RBM15B: variants seen among roughly 807,000 people sequenced by gnomAD.
RBM15B encodes putative RNA-binding protein 15B.
In RBM15B, 11 loss-of-function variants were observed where a neutral mutation model predicts 53.3. The ratio of observed to expected loss-of-function variants is 0.21; its 90% confidence interval spans 0.13 to 0.34. The LOEUF (loss-of-function observed/expected upper bound fraction) is 0.34, where lower values mean the gene tolerates loss of function less well. RBM15B is among the 10% of genes least tolerant of loss of function. RBM15B has a pLI of 1.00. For synonymous variants in RBM15B, 631 were observed against 540.7 expected (o/e 1.17, Z -2.32); for missense variants, 1,136 against 1,250.3 (o/e 0.91, Z 1.38).
Position 51,396,286 on chromosome 3 carries a change from A to C in RBM15B, c.*2214A>C, listed in dbSNP as rs2089198490. ...GCCTTATCCAACCCCTCTTCAGAGA[A>C]AGGTGTCCCATGGCCCCAAAAAGAA... On this transcript the variant is annotated 3_prime_UTR_variant, in exon 1 of 1. Coordinates refer to ENST00000563281, the MANE Select transcript of RBM15B (RefSeq NM_013286.5). 1.0e-5 allele frequency: 2 copies of C among 196,930 alleles called. No homozygotes were observed. Among genetic ancestry groups the C allele is most frequent in the Non-Finnish European group, 2.3e-5 (2 of 88,266 alleles). The allele number at this position is 196,930 out of a possible 1,614,324, so 12.2% of individuals were successfully genotyped here. A position where few individuals can be genotyped will look rare whatever the true frequency, so the allele number is the denominator to read the frequency against.
Position 51,396,519 on chromosome 3 carries a change from A to G in RBM15B, c.*2447A>G, listed in dbSNP as rs1257613829. ...CTGAGAAAACTTACTTACTTCAGGC[A>G]TCCAGTGCCCCCACCCAGGGTTCAG... On this transcript the variant is annotated 3_prime_UTR_variant, in exon 1 of 1. Coordinates refer to ENST00000563281, the MANE Select transcript of RBM15B (RefSeq NM_013286.5). 2 of 167,182 alleles carry G rather than the reference A, an allele frequency of 1.2e-5. No homozygotes were observed. Among genetic ancestry groups the G allele is most frequent in the Admixed American group, 1.3e-4 (2 of 15,292 alleles). 10.4% of individuals were successfully genotyped at this position (167,182 alleles called of 1,614,324 possible). A position where few individuals can be genotyped will look rare whatever the true frequency, so the allele number is the denominator to read the frequency against.
chr3:51,397,714 G>A lies in RBM15B; in HGVS notation c.*3642G>A, dbSNP rs144011390. 6.0e-6 allele frequency: 1 copy of A among 167,170 alleles called. No homozygotes were observed. The highest frequency in any genetic ancestry group is 1.5e-5 in the Non-Finnish European group (1 of 68,124). The allele number at this position is 167,170 out of a possible 1,614,324, so 10.4% of individuals were successfully genotyped here. A position where few individuals can be genotyped will look rare whatever the true frequency, so the allele number is the denominator to read the frequency against. ...GTGAGTATAAGCTACTTTCCTCCCT[G>A]GAGTGCTCTATGTGGGCAGAACATG... On this transcript the variant is annotated 3_prime_UTR_variant, in exon 1 of 1. Coordinates refer to ENST00000563281, the MANE Select transcript of RBM15B (RefSeq NM_013286.5).
At position 51,393,149 on chromosome 3, in the gene RBM15B, C is replaced by G. The variant is rs782041482; in HGVS notation, c.1750C>G (p.Arg584Gly). 11 of 1,613,848 alleles carry G rather than the reference C, an allele frequency of 6.8e-6. No individual in the cohort carries two copies. In the Admixed American group the frequency reaches 1.7e-4, roughly 24 times the overall value. ...SGERWGADGD[R>G]GLPKPWEERR... is the part of the protein sequence containing the mutation. The stretch of plus-strand genomic sequence containing the variant: ...TGAGCGTTGGGGGGCAGATGGAGAC[C>G]GTGGTTTGCCCAAGCCCTGGGAAGA... Residue 584 changes from arginine (R) to glycine (G), a missense_variant, in exon 1 of 1, where the codon CGT (arginine) becomes GGT (glycine). Around this residue, in one of 7 missense-constraint regions of RBM15B, gnomAD observed 578 missense variants for 581.6 expected, o/e 0.99. Coordinates refer to ENST00000563281, the MANE Select transcript of RBM15B (RefSeq NM_013286.5). This position sits in a 1 kb window ranked among gnomAD's most constrained non-coding sequence, Gnocchi z 5.6.
Position 51,391,543 on chromosome 3 carries a change from G to A in RBM15B, c.144G>A (p.Pro48=). The A allele has an allele frequency of 8.4e-7, 1 of 1,187,420 alleles. No individual in the cohort carries two copies. 73.6% of individuals were successfully genotyped at this position (1,187,420 alleles called of 1,614,324 possible). The change falls in exon 1 of 1, where the codon CCG becomes CCA. Residue 48 remains proline, a synonymous_variant. Coordinates refer to ENST00000563281, the MANE Select transcript of RBM15B (RefSeq NM_013286.5). This position sits in a 1 kb window ranked among gnomAD's most constrained non-coding sequence, Gnocchi z 4.5. ...AHKASGGAKH[P]VPARARDKPR... ...AGGCCTCTGGCGGCGCCAAGCACCC[G>A]GTTCCAGCGCGGGCCCGCGACAAAC...
Position 51,392,035 on chromosome 3 carries a change from C to G in RBM15B, c.636C>G (p.Leu212=). ...ARQLLLYDRP[L]KVEPVYLRGG... ...AGCTGCTGCTCTACGACCGCCCGCT[C>G]AAGGTAGAGCCCGTGTACCTGCGTG... is the stretch of plus-strand genomic sequence containing the variant. The change falls in exon 1 of 1, where the codon CTC becomes CTG. Residue 212 remains leucine, a synonymous_variant. Transcript: ENST00000563281. The surrounding 1 kb of genome is among the most constrained non-coding windows in gnomAD (Gnocchi z 7.5). 6.3e-7 allele frequency: 1 copy of G among 1,597,090 alleles called. No individual in the cohort carries two copies. Among genetic ancestry groups the G allele is most frequent in the Non-Finnish European group, 8.5e-7 (1 of 1,178,280 alleles).
Position 51,393,191 on chromosome 3 carries a change from A to C in RBM15B, c.1792A>C (p.Ser598Arg). The C allele has an allele frequency of 6.2e-7, 1 of 1,613,972 alleles. No individual in the cohort carries two copies. Among genetic ancestry groups the C allele is most frequent in the Non-Finnish European group, 8.5e-7 (1 of 1,179,898 alleles). ...KPWEERRKRR[S>R]LSSDRGRTTH... ...CTGGGAAGAGAGGCGGAAACGGAGAAGCCTTTCCAGTGACCGTGGGAGGAC... is the reference window on the plus strand; with the variant it reads ...CTGGGAAGAGAGGCGGAAACGGAGACGCCTTTCCAGTGACCGTGGGAGGAC... The change falls in exon 1 of 1, where the codon AGC (serine) becomes CGC (arginine). Residue 598 changes from serine (S) to arginine (R), a missense_variant. Around this residue, in one of 7 missense-constraint regions of RBM15B, gnomAD observed 578 missense variants for 581.6 expected, o/e 0.99. Coordinates refer to ENST00000563281, the MANE Select transcript of RBM15B (RefSeq NM_013286.5). This position sits in a 1 kb window ranked among gnomAD's most constrained non-coding sequence, Gnocchi z 5.6.
Position 51,391,702 on chromosome 3 carries a change from G to A in RBM15B, c.303G>A (p.Gly101=), listed in dbSNP as rs1439619013. 2.2e-6 allele frequency: 3 copies of A among 1,354,156 alleles called. No homozygotes were observed. Among genetic ancestry groups the A allele is most frequent in the African/African-American group, 3.1e-5 (2 of 64,940 alleles). 83.9% of individuals were successfully genotyped at this position (1,354,156 alleles called of 1,614,324 possible). The change falls in exon 1 of 1, where the codon GGG becomes GGA. Residue 101 remains glycine (G), a synonymous_variant. Transcript: ENST00000563281. The surrounding 1 kb of genome is among the most constrained non-coding windows in gnomAD (Gnocchi z 4.5). ...GGGGACGCGGCGGCAAGGCCTCGGG[G>A]GACCCGGGCGCCTCCGGCATGTCGC... ...GGGGRGGKAS[G]DPGASGMSPR...
Position 51,391,776 on chromosome 3 carries a change from C to T in RBM15B, c.377C>T (p.Pro126Leu), listed in dbSNP as rs2089041501. The T allele has an allele frequency of 6.3e-7, 1 of 1,584,140 alleles. No individual in the cohort carries two copies. The highest frequency in any genetic ancestry group is 1.4e-5 in the African/African-American group (1 of 72,052). ...PPPPPPPGAE[P>L]ACPGSSAAAP... ...CCTCCGCCACCGCCTGGGGCCGAGCCCGCGTGTCCCGGCTCATCCGCGGCC... is the reference window on the plus strand; with the variant it reads ...CCTCCGCCACCGCCTGGGGCCGAGCTCGCGTGTCCCGGCTCATCCGCGGCC... Residue 126 changes from proline to leucine, a missense_variant, in exon 1 of 1, where the codon CCC becomes CTC. Pro to Leu is a moderately conservative substitution (Grantham distance 98). Coordinates refer to ENST00000563281, the MANE Select transcript of RBM15B (RefSeq NM_013286.5). This position sits in a 1 kb window ranked among gnomAD's most constrained non-coding sequence, Gnocchi z 4.5.
rs762046636 is a variant in RBM15B, at chr3:51,393,800, C to T, written c.2401C>T (p.Pro801Ser). ...GGTCCTCTTAGCCACCCAGGCAACC[C>T]CCAGTGGGCTTGGCACTGAGGGGAT... The part of the protein sequence containing the change: ...YAVLLATQAT[P>S]SGLGTEGMPT... The change falls in exon 1 of 1, where the codon CCC (proline) becomes TCC (serine). Residue 801 changes from proline to serine, a missense_variant. Physicochemically the swap from Pro to Ser is moderately conservative, Grantham distance 74. Around this residue, in one of 7 missense-constraint regions of RBM15B, gnomAD observed 578 missense variants for 581.6 expected, o/e 0.99. Transcript: ENST00000563281. This position sits in a 1 kb window ranked among gnomAD's most constrained non-coding sequence, Gnocchi z 5.6. The T allele has an allele frequency of 1.9e-6, 3 of 1,613,528 alleles. No individual in the cohort carries two copies. Among genetic ancestry groups the T allele is most frequent in the Admixed American group, 1.7e-5 (1 of 59,984 alleles).
In RBM15B at chr3:51,392,002, G is replaced by A. The variant is rs782793445; in HGVS notation, c.603G>A (p.Leu201=). The change falls in exon 1 of 1, where the codon CTG becomes CTA. Residue 201 remains leucine (L), a synonymous_variant. Coordinates refer to ENST00000563281, the MANE Select transcript of RBM15B (RefSeq NM_013286.5). This position sits in a 1 kb window ranked among gnomAD's most constrained non-coding sequence, Gnocchi z 7.5. ...CACGCGAGGCCCGCCAGCACGCCCTGGCCCGGCAGCTGCTGCTCTACGACC... is the reference window on the plus strand; with the variant it reads ...CACGCGAGGCCCGCCAGCACGCCCTAGCCCGGCAGCTGCTGCTCTACGACC... ...QDAREARQHA[L]ARQLLLYDRP... is the part of the protein sequence containing the mutation. The A allele has an allele frequency of 2.5e-6, 4 of 1,598,554 alleles. No individual in the cohort carries two copies. Among genetic ancestry groups the A allele is most frequent in the Non-Finnish European group, 3.4e-6 (4 of 1,178,072 alleles).
At position 51,392,335 on chromosome 3, in the gene RBM15B, C is replaced by T. The variant is rs781805203; in HGVS notation, c.936C>T (p.Asp312=). 1.2e-6 allele frequency: 2 copies of T among 1,613,550 alleles called. No homozygotes were observed. Among genetic ancestry groups the T allele is most frequent in the East Asian group, 2.2e-5 (1 of 44,888 alleles). Residue 312 remains aspartate (D), a synonymous_variant, in exon 1 of 1, where the codon GAC becomes GAT. Transcript: ENST00000563281. This position sits in a 1 kb window ranked among gnomAD's most constrained non-coding sequence, Gnocchi z 7.5. The stretch of plus-strand genomic sequence containing the variant: ...TGGACTACTACGGGCTGTACGACGA[C>T]CGTGGGCGCCCCTATGGCTACCCAG... ...RALDYYGLYD[D]RGRPYGYPAV... is the part of the protein sequence containing the mutation.
At position 51,392,699 on chromosome 3, in the gene RBM15B, C is replaced by T. The variant is rs371399753; in HGVS notation, c.1300C>T (p.Leu434=). The T allele has an allele frequency of 2.4e-5, 39 of 1,614,158 alleles. No individual in the cohort carries two copies. Among genetic ancestry groups the T allele is most frequent in the Non-Finnish European group, 3.3e-5 (39 of 1,180,040 alleles). The change falls in exon 1 of 1, where the codon CTG becomes TTG. Residue 434 remains leucine, a synonymous_variant. Coordinates refer to ENST00000563281, the MANE Select transcript of RBM15B (RefSeq NM_013286.5). The surrounding 1 kb of genome is among the most constrained non-coding windows in gnomAD (Gnocchi z 7.5). ...GGGACCTAACACGTCACTGGCGGCT[C>T]TGGCCCGAGAGTTTGACCGCTTTGG... ...GLGPNTSLAA[L]AREFDRFGSI...
chr3:51,394,277 T>G lies in RBM15B; in HGVS notation c.*205T>G. ...TTTTTTTTAAACGATGAGAAGGGAATCCGGTTATGTTGATTTCTAGTGTAC... is the reference window on the plus strand; with the variant it reads ...TTTTTTTTAAACGATGAGAAGGGAAGCCGGTTATGTTGATTTCTAGTGTAC... On this transcript the variant is annotated 3_prime_UTR_variant, in exon 1 of 1. Coordinates refer to ENST00000563281, the MANE Select transcript of RBM15B (RefSeq NM_013286.5). 119 of 577,302 alleles carry G rather than the reference T, an allele frequency of 2.1e-4. No individual in the cohort carries two copies. Among genetic ancestry groups the G allele is most frequent in the South Asian group, 5.7e-4 (6 of 10,590 alleles). The allele number at this position is 577,302 out of a possible 1,614,324, so 35.8% of individuals were successfully genotyped here.
rs1553621946 is a variant in RBM15B, at chr3:51,393,342, C to T, written c.1943C>T (p.Ser648Phe). ...CACTCCAGTGAAGGGACCAAGGAGT[C>T]CAGCAGCAACTCCCTCAGCAACAGC... ...ENHSSEGTKE[S>F]SSNSLSNSRH... The change falls in exon 1 of 1, where the codon TCC becomes TTC. Residue 648 changes from serine to phenylalanine, a missense_variant. By Grantham distance (155) the Ser-to-Phe change is radical. Transcript: ENST00000563281. This position sits in a 1 kb window ranked among gnomAD's most constrained non-coding sequence, Gnocchi z 5.6. 18 of 1,612,040 alleles carry T rather than the reference C, an allele frequency of 1.1e-5. No homozygotes were observed. The highest frequency in any genetic ancestry group is 1.4e-5 in the Non-Finnish European group (17 of 1,179,230).
In RBM15B at chr3:51,393,243, G is replaced by A. The variant is rs782359482; in HGVS notation, c.1844G>A (p.Ser615Asn). The change falls in exon 1 of 1, where the codon AGT (serine) becomes AAT (asparagine). Residue 615 changes from serine (S) to asparagine (N), a missense_variant. Around this residue, in one of 7 missense-constraint regions of RBM15B, gnomAD observed 578 missense variants for 581.6 expected, o/e 0.99. Transcript: ENST00000563281. The surrounding 1 kb of genome is among the most constrained non-coding windows in gnomAD (Gnocchi z 5.6). ...ACCCATTCACCATATGAGGAACGGA[G>A]TAGGACCAAGGGCAGTGGGCAGCAG... Reference protein sequence around the residue: ...RTTHSPYEERSRTKGSGQQSE... With the variant: ...RTTHSPYEERNRTKGSGQQSE... The A allele has an allele frequency of 1.3e-5, 21 of 1,613,704 alleles. No individual in the cohort carries two copies. Among genetic ancestry groups the A allele is most frequent in the Admixed American group, 3.3e-5 (2 of 59,992 alleles).
At position 51,395,863 on chromosome 3, in the gene RBM15B, C is replaced by T. The variant is rs1345176549; in HGVS notation, c.*1791C>T. 1 of 413,402 alleles carries T rather than the reference C, an allele frequency of 2.4e-6. No individual in the cohort carries two copies. The highest frequency in any genetic ancestry group is 4.4e-6 in the Non-Finnish European group (1 of 226,154). The allele number at this position is 413,402 out of a possible 1,614,324, so 25.6% of individuals were successfully genotyped here. A position where few individuals can be genotyped will look rare whatever the true frequency, so the allele number is the denominator to read the frequency against. On this transcript the variant is annotated 3_prime_UTR_variant, in exon 1 of 1. Transcript: ENST00000563281. The stretch of plus-strand genomic sequence containing the variant: ...GCACGTTCATAACAAAACAGCAACA[C>T]AAAGACATGTTAAGCATGTTTATTT...
chr3:51,391,334 C>T lies in RBM15B; in HGVS notation c.-66C>T. The T allele has an allele frequency of 2.6e-6, 3 of 1,169,748 alleles. No individual in the cohort carries two copies. Among genetic ancestry groups the T allele is most frequent in the Non-Finnish European group, 2.1e-6 (2 of 947,452 alleles). The allele number at this position is 1,169,748 out of a possible 1,614,324, so 72.5% of individuals were successfully genotyped here. On this transcript the variant is annotated 5_prime_UTR_variant, in exon 1 of 1. Coordinates refer to ENST00000563281, the MANE Select transcript of RBM15B (RefSeq NM_013286.5). This position sits in a 1 kb window ranked among gnomAD's most constrained non-coding sequence, Gnocchi z 4.5. ...GGCGGCGCCGGGGGCGCTGCCTCCT[C>T]GGCCGCCGCCTCCGCCGCCGCCGCT...
chr3:51,391,315 G>T lies in RBM15B; in HGVS notation c.-85G>T. Reference sequence around the variant, plus strand: ...GAGTCCTTTTGTCCAAGATGGCGGCGCCGGGGGCGCTGCCTCCTCGGCCGC... The same window carrying T: ...GAGTCCTTTTGTCCAAGATGGCGGCTCCGGGGGCGCTGCCTCCTCGGCCGC... On this transcript the variant is annotated 5_prime_UTR_variant, in exon 1 of 1. Coordinates refer to ENST00000563281, the MANE Select transcript of RBM15B (RefSeq NM_013286.5). This position sits in a 1 kb window ranked among gnomAD's most constrained non-coding sequence, Gnocchi z 4.5. 1 of 1,111,420 alleles carries T rather than the reference G, an allele frequency of 9.0e-7. No homozygotes were observed. The highest frequency in any genetic ancestry group is 1.1e-6 in the Non-Finnish European group (1 of 897,646). 68.8% of individuals were successfully genotyped at this position (1,111,420 alleles called of 1,614,324 possible). A position where few individuals can be genotyped will look rare whatever the true frequency, so the allele number is the denominator to read the frequency against.
Position 51,393,945 on chromosome 3 carries a change from G to A in RBM15B, c.2546G>A (p.Gly849Asp). ...GTGGGGGGGTCCAAGGGCAGAGACG[G>A]CACAGGCATGCTCTACGCCTTCCCA... ...LPVGGSKGRD[G>D]TGMLYAFPPC... Residue 849 changes from glycine to aspartate, a missense_variant, in exon 1 of 1, where the codon GGC becomes GAC. This residue lies in a region of RBM15B where 578 missense variants were observed against 581.6 expected (regional missense o/e 0.99). Transcript: ENST00000563281. The surrounding 1 kb of genome is among the most constrained non-coding windows in gnomAD (Gnocchi z 5.6). The A allele has an allele frequency of 2.0e-6, 3 of 1,536,736 alleles. No individual in the cohort carries two copies. The highest frequency in any genetic ancestry group is 2.6e-6 in the Non-Finnish European group (3 of 1,143,006).
Sources: gnomAD v4.1 joint callset for allele counts on GRCh38, gnomAD v4.1.1 for gene constraint, gnomAD v4.1.1 regional missense constraint, Gnocchi (gnomAD v3.1) non-coding constraint, MANE v1.5 for transcripts, NCBI Gene and HGNC (gene_info 2026-07-23, HGNC 2026-07-21) for gene names.